GTF2IRD1: variants seen among roughly 807,000 people sequenced by gnomAD.
The protein encoded by GTF2IRD1 is general transcription factor II-I repeat domain-containing protein 1.
In GTF2IRD1, 26 loss-of-function variants were observed where a neutral mutation model predicts 113.2. The observed-to-expected ratio is 0.23, with a 90% confidence interval of 0.17 to 0.32. The LOEUF (loss-of-function observed/expected upper bound fraction) is 0.32. GTF2IRD1 is among the 10% of genes least tolerant of loss of function. GTF2IRD1 has a pLI of 1.00. For synonymous variants in GTF2IRD1, 484 were observed against 529.1 expected, an observed-to-expected ratio of 0.91 and a Z score of 1.17; for missense variants, 864 against 1,280.8, an observed-to-expected ratio of 0.67 and a Z score of 4.97.
chr7:74,509,869 G>C (rs1297175692), intron 2 of GTF2IRD1, among the ~76,000 whole-genome samples: 1 of 152,020 alleles, frequency 6.6e-6, no homozygotes, highest in Non-Finnish European at 1.5e-5. Context: ...TAGAGACCGG[G>C]TTTCACCATG....
chr7:74,592,055 C>G (rs1802094145), intron 24 of GTF2IRD1, among the ~76,000 whole-genome samples: 1 of 151,768 alleles, frequency 6.6e-6, no homozygotes. Flanking sequence ...AAAGTCAACA[C>G]TGTGATGCAT....
chr7:74,564,069 C>T (rs1439453524), intron 22 of GTF2IRD1, among the ~76,000 whole-genome samples: 1 of 151,896 alleles, frequency 6.6e-6, no homozygotes, highest in Non-Finnish European at 1.5e-5. Flanking sequence ...TCTTGTTGCC[C>T]AGGCTGGAGT....
At chr7:74,522,422 A>G (rs1358832486) in intron 7 of GTF2IRD1, among the ~76,000 whole-genome samples, 1 of 152,168 alleles carries the variant, frequency 6.6e-6, no homozygotes, top group Non-Finnish European at 1.5e-5. Flanking sequence ...GTCCTAGGCC[A>G]GGTGCGGTGA....
chr7:74,482,223 CTTTT>C (rs5884948), intron 1 of GTF2IRD1, among the ~76,000 whole-genome samples: 39 of 107,966 alleles, frequency 3.6e-4, no homozygotes, highest in African/African-American at 1.2e-3. Flanking sequence ...TCTCCTAAAA[CTTTT>C]TTTTTTTTTT....
chr7:74,519,544 C>T lies in GTF2IRD1; in HGVS notation c.741C>T (p.Thr247=), dbSNP rs200536132. Residue 247 remains threonine (T), a synonymous_variant, in exon 6 of 27, where the codon ACC becomes ACT. Coordinates refer to ENST00000424337, the MANE Select transcript of GTF2IRD1 (RefSeq NM_005685.4). ...PKVPPQDLPP[T]ATSSSMASFL... is the part of the protein sequence containing the mutation. ...TGCCACCCCAGGACCTGCCCCCAAC[C>T]GCCACCTCCTCCTCCATGGCCAGCT... 244 of 1,612,184 alleles carry T rather than the reference C, an allele frequency of 1.5e-4. 2 individuals are homozygous for T. In the East Asian group the frequency reaches 2.2e-3, roughly 14 times the overall value.
At chr7:74,549,521 G>A (rs1554354304) in intron 17 of GTF2IRD1, among the ~76,000 whole-genome samples, 2 of 152,146 alleles carry the variant, frequency 1.3e-5, no homozygotes, top group African/African-American at 2.4e-5. Flanking sequence ...CACACAAAGA[G>A]CAGATAGCAA....
chr7:74,575,796 C>T (rs182332652), intron 22 of GTF2IRD1, among the ~76,000 whole-genome samples: 60 of 152,140 alleles, frequency 3.9e-4, no homozygotes, highest in Admixed American at 7.9e-4. Context: ...CTCATCCAGT[C>T]GAAGTTGGAA....
chr7:74,583,371 C>CTTTTTTTTT (rs1168890388), intron 22 of GTF2IRD1, among the ~76,000 whole-genome samples: 270 of 122,268 alleles, frequency 2.2e-3, no homozygotes, highest in Middle Eastern at 4.8e-3. Flanking sequence ...CTTTTTTTTT[C>CTTTTTTTTT]TTTTTTTTTT....
Position 74,460,335 on chromosome 7 carries a change from T to C in GTF2IRD1, c.-7+6159T>C, listed in dbSNP as rs1335050488. ...CCCAGGCTGGAGTGCAGTGGCGTGATCCTACCTCACTGCAACCTCCAACTC... is the reference window on the plus strand; with the variant it reads ...CCCAGGCTGGAGTGCAGTGGCGTGACCCTACCTCACTGCAACCTCCAACTC... On this transcript the variant is annotated intron_variant, in intron 1 of 26. Coordinates refer to ENST00000424337, the MANE Select transcript of GTF2IRD1 (RefSeq NM_005685.4). 2.0e-5 allele frequency among the ~76,000 whole-genome samples: 3 copies of C among 152,066 alleles called. No homozygotes were observed. In the East Asian group the frequency reaches 5.8e-4, roughly 29 times the overall value.
At chr7:74,455,496 G>T (rs1792908653) in intron 1 of GTF2IRD1, among the ~76,000 whole-genome samples, 1 of 152,222 alleles carries the variant, frequency 6.6e-6, no homozygotes, top group African/African-American at 2.4e-5. Flanking sequence ...TATTTCAGCA[G>T]TGTCATTCCA....
chr7:74,578,974 G>A (rs1447125089), intron 22 of GTF2IRD1, among the ~76,000 whole-genome samples: 4 of 149,386 alleles, frequency 2.7e-5, no homozygotes, highest in Non-Finnish European at 4.4e-5. Context: ...GCAACAGAGC[G>A]AGATCCTGTC....
At chr7:74,548,421 C>CAA (rs782421473) in intron 17 of GTF2IRD1, among the ~76,000 whole-genome samples, 5 of 120,406 alleles carry the variant, frequency 4.2e-5, no homozygotes, top group Non-Finnish European at 7.1e-5. Flanking sequence ...GACTTCGTCT[C>CAA]AAAAAAAAAA....
chr7:74,582,429 C>CT (rs781792128), intron 22 of GTF2IRD1, among the ~76,000 whole-genome samples: 59 of 151,440 alleles, frequency 3.9e-4, no homozygotes, highest in Middle Eastern at 3.4e-3. Context: ...AGCATTTTTT[C>CT]TTTTTTTTTG....
intron 1 of GTF2IRD1, among the ~76,000 whole-genome samples, chr7:74,468,354 ATTT>A (rs1562773086): frequency 1.4e-5 from 2 of 145,338 alleles, no homozygotes. Flanking sequence ...CATAAAAATA[ATTT>A]AAAAAAAAAA....
At chr7:74,534,971 A>G in intron 9 of GTF2IRD1, 142 bp from the exon 10 acceptor site, 3 of 707,200 alleles carry the variant, frequency 4.2e-6, no homozygotes, top group South Asian at 3.2e-5. Context: ...TCCTGCCTGC[A>G]TGTCTGCCGG....
In GTF2IRD1 at chr7:74,595,043, A is replaced by T; in HGVS notation, c.2621A>T (p.Lys874Met). 6.2e-7 allele frequency: 1 copy of T among 1,603,460 alleles called. No homozygotes were observed. Residue 874 changes from lysine to methionine, a missense_variant, in exon 25 of 27, where the codon AAG becomes ATG. By Grantham distance (95) the Lys-to-Met change is moderately conservative. Coordinates refer to ENST00000424337, the MANE Select transcript of GTF2IRD1 (RefSeq NM_005685.4). ...TTTGCAGAAATCTGCAATGATGCCA[A>T]GGTGCCAGGTGAGTCAGAGGTGAAG... is the stretch of plus-strand genomic sequence containing the variant. ...QPFAEICNDA[K>M]VPAKDSSIPK...
chr7:74,555,350 C>T lies in GTF2IRD1; in HGVS notation c.1967-88C>T, dbSNP rs782654642. ...CCTGGCCCTGGCATTCTCCCCACAC[C>T]CCCACATTGGGTTTCCCCTAACGAT... On this transcript the variant is annotated intron_variant, in intron 18 of 26. Coordinates refer to ENST00000424337, the MANE Select transcript of GTF2IRD1 (RefSeq NM_005685.4). This position sits in a 1 kb window ranked among gnomAD's most constrained non-coding sequence, Gnocchi z 5.3. The T allele has an allele frequency of 4.1e-6, 6 of 1,474,254 alleles. No individual in the cohort carries two copies. In the East Asian group the frequency reaches 1.1e-4, roughly 28 times the overall value. 91.3% of individuals were successfully genotyped at this position (1,474,254 alleles called of 1,614,324 possible). A position where few individuals can be genotyped will look rare whatever the true frequency, so the allele number is the denominator to read the frequency against.
intron 7 of GTF2IRD1, 99 bp from the exon 8 acceptor site, chr7:74,523,972 C>T (rs1249035257): frequency 8.7e-6 from 7 of 800,804 alleles, no homozygotes; most frequent in African/African-American, 3.4e-5. Context: ...GGGCCGGCCT[C>T]GGGGGCTCTG....
At chr7:74,503,212 G>C (rs568347536) in intron 1 of GTF2IRD1, among the ~76,000 whole-genome samples, 3 of 151,904 alleles carry the variant, frequency 2.0e-5, no homozygotes, top group Admixed American at 6.6e-5. Flanking sequence ...CCCAGGGAGC[G>C]GTCACCTCTG....
Sources: allele counts gnomAD v4.1 joint callset (sites outside exome capture counted in the v4.1 genomes callset), GRCh38; gene constraint gnomAD v4.1.1; non-coding constraint Gnocchi (gnomAD v3.1); transcripts MANE v1.5; gene names NCBI Gene and HGNC (gene_info 2026-07-23, HGNC 2026-07-21).